The following ZNF385D variants were observed in gnomAD, a reference collection of about 807,000 sequenced individuals.
ZNF385D encodes zinc finger protein 385D.
A neutral mutation model predicts 35.8 loss-of-function variants in ZNF385D; 15 were observed. The ratio of observed to expected loss-of-function variants is 0.42; its 90% CI spans 0.28 to 0.64. The LOEUF is 0.64. Ranked by LOEUF, ZNF385D falls within the 30% of genes least tolerant of loss-of-function variation. The probability of loss-of-function intolerance (pLI) is 0.23; values close to 1 mark genes in which losing one functional copy is unlikely to be tolerated. For missense variants in ZNF385D, 474 were observed against 494.6 expected (o/e 0.96, Z 0.39); for synonymous variants, 212 against 186.8 (o/e 1.13, Z -1.10).
chr3:21,770,893 G>A (rs7373284), intron 3 of ZNF385D, among the ~76,000 whole-genome samples: 101,650 of 151,890 alleles, frequency 0.67, 34,735 homozygotes, highest in East Asian at 0.85. Context: ...TATACACCAT[G>A]GAATACAATG....
At chr3:22,267,513 G>A (rs1700957424) in intron 2 of ZNF385D, among the ~76,000 whole-genome samples, 2 of 151,694 alleles carry the variant, frequency 1.3e-5, no homozygotes, top group Admixed American at 6.6e-5. Flanking sequence ...ATAAATTATA[G>A]TGTCAGTGAA....
At chr3:21,814,829 A>G (rs9845563) in intron 3 of ZNF385D, among the ~76,000 whole-genome samples, 25,846 of 152,164 alleles carry the variant, frequency 0.17, 2,413 homozygotes, top group Non-Finnish European at 0.21. Context: ...TGCACCAAAC[A>G]GACCTAATAG....
chr3:22,167,273 C>G (rs1012849463), intron 3 of ZNF385D, among the ~76,000 whole-genome samples: 1 of 152,170 alleles, frequency 6.6e-6, no homozygotes, highest in African/African-American at 2.4e-5. Context: ...CTATGCCCAC[C>G]TTTGAGTGAT....
rs181057136 is a variant in ZNF385D, at chr3:22,147,748, T to C, written c.325+21069A>G. On this transcript the variant is annotated intron_variant, in intron 3 of 5. Transcript: ENST00000494108. ...AGCTCAGCAAATATTTTCTCCACAA[T>C]GAAAGAGTTAGGATTGAATCTAGAT... Among the ~76,000 whole-genome samples the C allele has an allele frequency of 5.3e-5, 8 of 152,252 alleles. No individual in the cohort carries two copies. In the East Asian group the frequency reaches 5.8e-4, roughly 11 times the overall value.
chr3:21,807,737 T>C (rs938255560), intron 3 of ZNF385D, among the ~76,000 whole-genome samples: 7 of 152,184 alleles, frequency 4.6e-5, no homozygotes, highest in African/African-American at 1.7e-4. Context: ...ATTTGTATAA[T>C]TTCTTGAGCT....
chr3:22,044,073 AAC>A (rs1392778989), intron 3 of ZNF385D, among the ~76,000 whole-genome samples: 1 of 148,256 alleles, frequency 6.7e-6, no homozygotes, highest in Non-Finnish European at 1.5e-5. Flanking sequence ...GATGAGATGA[AAC>A]ACGAAACCTG....
chr3:22,286,109 T>C (rs925991983), intron 2 of ZNF385D, among the ~76,000 whole-genome samples: 11 of 152,168 alleles, frequency 7.2e-5, no homozygotes, highest in African/African-American at 2.7e-4. Flanking sequence ...CTTAATACAA[T>C]GTACTCATTT....
intron 1 of ZNF385D, among the ~76,000 whole-genome samples, chr3:21,736,515 C>T (rs140431610): frequency 5.1e-4 from 78 of 152,304 alleles, no homozygotes; most frequent in Middle Eastern, 3.4e-3. Context: ...TAACTACCTT[C>T]AGAGATCTTT....
chr3:21,733,799 G>T (rs545649370), intron 1 of ZNF385D, among the ~76,000 whole-genome samples: 2 of 151,968 alleles, frequency 1.3e-5, no homozygotes, highest in Non-Finnish European at 2.9e-5. Context: ...TTACTTATTT[G>T]TCTAAATGTG....
intron 1 of ZNF385D, among the ~76,000 whole-genome samples, chr3:21,705,834 G>T (rs73138890): frequency 2.0e-4 from 31 of 152,284 alleles, no homozygotes; most frequent in African/African-American, 7.0e-4. Context: ...GGATTTGGCT[G>T]TCTGGACTGT....
At chr3:21,967,062 GT>G (rs1169293942) in intron 3 of ZNF385D, among the ~76,000 whole-genome samples, 1 of 152,146 alleles carries the variant, frequency 6.6e-6, no homozygotes, top group Non-Finnish European at 1.5e-5. Flanking sequence ...TCAAATAATA[GT>G]GAAAAATTCC....
In ZNF385D at chr3:22,170,530, T is replaced by C. The variant is rs1365981862; in HGVS notation, c.107-1495A>G. Among the ~76,000 whole-genome samples the C allele has an allele frequency of 5.3e-5, 8 of 152,196 alleles. No individual in the cohort carries two copies. The South Asian group carries it at 1.7e-3, about 31-fold the overall frequency. ...CATAACGCATGCTTTCTTTGTGAAC[T>C]AATTCATTTAAAATATATTAACTTC... is the stretch of plus-strand genomic sequence containing the variant. On this transcript the variant is annotated intron_variant, in intron 2 of 5. Coordinates refer to the ZNF385D transcript ENST00000494108.
intron 1 of ZNF385D, among the ~76,000 whole-genome samples, chr3:21,673,542 G>C (rs915589121): frequency 1.7e-4 from 26 of 152,122 alleles, no homozygotes; most frequent in African/African-American, 6.0e-4. Flanking sequence ...AGTTTTCTCA[G>C]AGCTGAATGT....
intron 4 of ZNF385D, among the ~76,000 whole-genome samples, chr3:21,462,194 T>C (rs556360950): frequency 6.6e-6 from 1 of 152,330 alleles, no homozygotes; most frequent in South Asian, 2.1e-4. Context: ...CCTTTTCTAA[T>C]TTTAATCTCT....
chr3:22,105,972 ATAAC>A (rs752663858), intron 3 of ZNF385D, among the ~76,000 whole-genome samples: 18 of 152,228 alleles, frequency 1.2e-4, no homozygotes, highest in Non-Finnish European at 2.4e-4. Context: ...GTAATCATAA[ATAAC>A]TTTCATATTA....
chr3:21,897,915 T>A (rs1699215092), intron 3 of ZNF385D, among the ~76,000 whole-genome samples: 1 of 152,156 alleles, frequency 6.6e-6, no homozygotes, highest in Non-Finnish European at 1.5e-5. Flanking sequence ...TTATTATTTT[T>A]GTTGTTATTT....
chr3:21,988,880 T>C (rs918598825), intron 3 of ZNF385D, among the ~76,000 whole-genome samples: 6 of 152,118 alleles, frequency 3.9e-5, no homozygotes, highest in African/African-American at 1.4e-4. Flanking sequence ...GGTGCGCCGT[T>C]TTTTAAGCCG....
intron 3 of ZNF385D, among the ~76,000 whole-genome samples, chr3:22,071,350 C>T (rs1342344783): frequency 6.6e-6 from 1 of 152,056 alleles, no homozygotes; most frequent in East Asian, 1.9e-4. Context: ...AGTGAAGAGC[C>T]TAATATTTTT....
intron 3 of ZNF385D, among the ~76,000 whole-genome samples, chr3:21,969,686 G>C (rs1188310280): frequency 6.6e-6 from 1 of 152,090 alleles, no homozygotes; most frequent in South Asian, 2.1e-4. Context: ...TTATTGTAGG[G>C]TCCTTGGGCT....
Sources: allele counts gnomAD v4.1 joint callset (sites outside exome capture counted in the v4.1 genomes callset), GRCh38; gene constraint gnomAD v4.1.1; transcripts MANE v1.5; gene names NCBI Gene and HGNC (gene_info 2026-07-23, HGNC 2026-07-21).